The following NBPF15 variants were observed in gnomAD, a reference collection of about 807,000 sequenced individuals.
NBPF15 encodes NBPF member 15, also known as NBPF family member NBPF15.
A neutral mutation model predicts 62.2 loss-of-function variants in NBPF15; 74 were observed. That is an observed-to-expected ratio of 1.19 (90% CI 0.99 to 1.44). NBPF15 has a LOEUF of 1.44. NBPF15 is among the 40% of genes most tolerant of loss of function. The probability of loss-of-function intolerance (pLI) is 0.00; values close to 1 mark genes in which losing one functional copy is unlikely to be tolerated. For missense variants in NBPF15, 790 were observed against 550.0 expected (o/e 1.44, Z -4.36); for synonymous variants, 244 against 209.7 (o/e 1.16, Z -1.41).
chr1:144,455,009 A>G (rs1693499575), intron 4 of NBPF15, among the ~76,000 whole-genome samples: 1 of 151,592 alleles, frequency 6.6e-6, no homozygotes, highest in Non-Finnish European at 1.5e-5. Context: ...ACAAAAAGGA[A>G]AGAAAAAGAG....
At chr1:144,426,232 T>C (rs1669529791) in intron 18 of NBPF15, 46 bp downstream of exon 18, 1 of 574,290 alleles carries the variant, frequency 1.7e-6, no homozygotes, top group South Asian at 2.0e-5. Context: ...CACCCCTATC[T>C]GGAAGACCAG....
At chr1:144,444,082 C>T (rs1178627556) in intron 6 of NBPF15, among the ~76,000 whole-genome samples, 3 of 151,356 alleles carry the variant, frequency 2.0e-5, no homozygotes, top group African/African-American at 4.9e-5. Context: ...AGTAGTATTC[C>T]TTCGTGTGGC....
intron 3 of NBPF15, among the ~76,000 whole-genome samples, chr1:144,458,669 T>C (rs1650013393): frequency 6.6e-6 from 1 of 151,254 alleles, no homozygotes; most frequent in Non-Finnish European, 1.5e-5. Context: ...AGAAAAAAAG[T>C]GCCAAACAGT....
At position 144,438,047 on chromosome 1, in the gene NBPF15, T is replaced by C. The variant is rs1391229676; in HGVS notation, c.176A>G (p.Lys59Arg). 1.2e-6 allele frequency: 2 copies of C among 1,611,346 alleles called. No homozygotes were observed. The highest frequency in any genetic ancestry group is 8.5e-7 in the Non-Finnish European group (1 of 1,179,830). Residue 59 changes from lysine to arginine, a missense_variant and splice_region_variant, in exon 9 of 22, where the codon AAA becomes AGA. Lys to Arg is a conservative substitution (Grantham distance 26). Coordinates refer to ENST00000581897, the MANE Select transcript of NBPF15 (RefSeq NM_001385408.1). ...GFLANRQKKY[K>R]YEECKDLIKF... ...TATGAGATCTTTGCACTCTTCATAT[T>C]CTGAGAAAAGACAGACACGCCTGCC...
At position 144,435,221 on chromosome 1, in the gene NBPF15, T is replaced by C; in HGVS notation, c.662A>G (p.Asn221Ser). Residue 221 changes from asparagine (N) to serine (S), a missense_variant, in exon 12 of 22, where the codon AAC becomes AGC. Coordinates refer to ENST00000581897, the MANE Select transcript of NBPF15 (RefSeq NM_001385408.1). ...CSNSHGPYDS[N>S]QPHKKTKITF... ...GATTTTGGTTTTCTTATGTGGCTGG[T>C]TGGAGTCATAAGGGCCATGGCTATT... 6.2e-7 allele frequency: 1 copy of C among 1,613,082 alleles called. No homozygotes were observed. Among genetic ancestry groups the C allele is most frequent in the Non-Finnish European group, 8.5e-7 (1 of 1,179,686 alleles).
rs1553538357 is a variant in NBPF15 at position 144,422,044 on chromosome 1, GACA to G, written c.*966_*968del. ...ACAAGTCCATGTCACCACCATCCAT[GACA>G]ACAACAAAAAGATGAGGAAATATTT... On this transcript the variant is annotated 3_prime_UTR_variant, in exon 22 of 22. Coordinates refer to ENST00000581897, the MANE Select transcript of NBPF15 (RefSeq NM_001385408.1). The G allele has an allele frequency of 7.7e-6, 1 of 129,284 alleles. No individual in the cohort carries two copies. The highest frequency in any genetic ancestry group is 1.6e-5 in the Non-Finnish European group (1 of 63,352). The allele number at this position is 129,284 out of a possible 1,614,324, so 8.0% of individuals were successfully genotyped here.
intron 6 of NBPF15, among the ~76,000 whole-genome samples, chr1:144,445,332 A>AATATATATAT (rs1246556657): frequency 6.5e-5 from 6 of 92,544 alleles, no homozygotes; most frequent in East Asian, 3.1e-4. Context: ...CAAAACGGTG[A>AATATATATAT]ATATATATAT....
At chr1:144,436,175 C>A (rs1317492134) in intron 10 of NBPF15, among the ~76,000 whole-genome samples, 1 of 152,062 alleles carries the variant, frequency 6.6e-6, no homozygotes, top group African/African-American at 2.4e-5. Context: ...TTCCCAGGCA[C>A]AGGCTTGGTG....
chr1:144,438,794 C>A (rs1439759487), intron 8 of NBPF15, among the ~76,000 whole-genome samples: 4 of 151,770 alleles, frequency 2.6e-5, no homozygotes, highest in South Asian at 2.1e-4. Context: ...GAGGGACAGA[C>A]AAGACAAGCA....
intron 6 of NBPF15, among the ~76,000 whole-genome samples, chr1:144,447,726 A>C (rs1376983229): frequency 6.6e-6 from 1 of 152,084 alleles, no homozygotes; most frequent in African/African-American, 2.4e-5. Context: ...TAAAGCACTC[A>C]ACCAGGAGTC....
At position 144,440,204 on chromosome 1, in the gene NBPF15, C is replaced by G. The variant is rs1354759890; in HGVS notation, c.-99G>C. On this transcript the variant is annotated 5_prime_UTR_variant, in exon 7 of 22. Transcript: ENST00000581897. ...GATCCTTCACCACAAAAACAAGGTTCGAGGTGCCTCAACTCAGAGCTGAAA... is the reference window on the plus strand; with the variant it reads ...GATCCTTCACCACAAAAACAAGGTTGGAGGTGCCTCAACTCAGAGCTGAAA... 3 of 1,525,910 alleles carry G rather than the reference C, an allele frequency of 2.0e-6. No homozygotes were observed. The highest frequency in any genetic ancestry group is 2.6e-6 in the Non-Finnish European group (3 of 1,133,044). The allele number at this position is 1,525,910 out of a possible 1,614,324, so 94.5% of individuals were successfully genotyped here.
intron 18 of NBPF15, 62 bp from the exon 19 acceptor site, chr1:144,425,630 C>T (rs1236028015): frequency 9.2e-6 from 5 of 544,764 alleles, no homozygotes; most frequent in African/African-American, 7.8e-5. Context: ...CATAACAGTC[C>T]ACTGTCTAAT....
intron 3 of NBPF15, among the ~76,000 whole-genome samples, chr1:144,459,106 A>G (rs587681722): frequency 5.3e-5 from 8 of 152,074 alleles, no homozygotes; most frequent in Non-Finnish European, 1.0e-4. Flanking sequence ...AAATGTGTTC[A>G]TACTCCTAGG....
At position 144,441,983 on chromosome 1, in the gene NBPF15, G is replaced by A. The variant is rs1423596612; in HGVS notation, c.-190-1688C>T. On this transcript the variant is annotated intron_variant, in intron 6 of 21. Coordinates refer to ENST00000581897, the MANE Select transcript of NBPF15 (RefSeq NM_001385408.1). ...CAATGAGAACACTTGGACACAGGGC[G>A]GGGAACATCACACACCAGGGCCTGT... 1.7e-4 allele frequency among the ~76,000 whole-genome samples: 26 copies of A among 148,708 alleles called. 2 individuals carry two copies. Among genetic ancestry groups the A allele is most frequent in the Non-Finnish European group, 2.4e-4 (16 of 67,324 alleles).
chr1:144,456,534 T>TA lies in NBPF15; in HGVS notation c.-432+2dup, dbSNP rs1442253321. The stretch of plus-strand genomic sequence containing the variant: ...CGAGCTGGCAATGCCTCAGGGTTTT[T>TA]ACCTGTGGGATCTGGCAGCTCTTCA... On this transcript the variant is annotated splice_region_variant and intron_variant, in intron 4 of 21. Coordinates refer to ENST00000581897, the MANE Select transcript of NBPF15 (RefSeq NM_001385408.1). 1 of 1,388,720 alleles carries TA rather than the reference T, an allele frequency of 7.2e-7. No homozygotes were observed. The highest frequency in any genetic ancestry group is 2.6e-5 in the Admixed American group (1 of 37,744). 86.0% of individuals were successfully genotyped at this position (1,388,720 alleles called of 1,614,324 possible).
At chr1:144,453,425 C>T (rs1181798187) in intron 4 of NBPF15, among the ~76,000 whole-genome samples, 3 of 151,458 alleles carry the variant, frequency 2.0e-5, no homozygotes, top group African/African-American at 7.3e-5. Context: ...TCAATGATGG[C>T]TTCTTAGATA....
intron 13 of NBPF15, among the ~76,000 whole-genome samples, chr1:144,431,442 G>A (rs1286501126): frequency 6.7e-6 from 1 of 149,188 alleles, no homozygotes; most frequent in South Asian, 2.1e-4. Flanking sequence ...TTTTCCATAT[G>A]TATAGTTTTC....
intron 6 of NBPF15, among the ~76,000 whole-genome samples, chr1:144,445,912 A>G (rs1687197313): frequency 7.3e-6 from 1 of 136,308 alleles, no homozygotes. Context: ...GCTGGAGTGC[A>G]GTGATGCGAT....
intron 4 of NBPF15, among the ~76,000 whole-genome samples, chr1:144,455,429 G>C (rs1553546661): frequency 6.6e-6 from 1 of 152,030 alleles, no homozygotes; most frequent in African/African-American, 2.4e-5. Context: ...ACTATATGCT[G>C]TTTCCACGGG....
Sources: gnomAD v4.1 joint callset for allele counts (sites outside exome capture counted in the v4.1 genomes callset) on GRCh38, gnomAD v4.1.1 for gene constraint, MANE v1.5 for transcripts, NCBI Gene and HGNC (gene_info 2026-07-23, HGNC 2026-07-21) for gene names.